PLCB4: variants seen among roughly 807,000 people sequenced by gnomAD.
PLCB4 encodes the protein phospholipase C beta 4, also known as 1-phosphatidylinositol 4,5-bisphosphate phosphodiesterase beta-4.
In PLCB4, 77 loss-of-function variants were observed where a neutral mutation model predicts 178.8. That is an observed-to-expected ratio of 0.43 (90% confidence interval 0.36 to 0.52). The LOEUF (loss-of-function observed/expected upper bound fraction) is 0.52. Among genes scored for constraint, PLCB4 ranks in the 20% least tolerant of loss-of-function variants. The probability of loss-of-function intolerance (pLI) is 0.00; values close to 1 mark genes in which losing one functional copy is unlikely to be tolerated. For synonymous variants in PLCB4, 496 were observed against 490.8 expected (o/e 1.01, Z -0.14); for missense variants, 1,024 against 1,453.4 (o/e 0.70, Z 4.80).
rs577043885 is a variant in PLCB4 at position 9,440,354 on chromosome 20, T to G, written c.2764+3202T>G. ...TAAAGTGTTAAATATTTCGTGTAAC[T>G]TATTAAATGCAGTACAGTGTAGAGT... On this transcript the variant is annotated intron_variant, in intron 30 of 39. Transcript: ENST00000378473. Among the ~76,000 whole-genome samples, 3 of 152,340 alleles carry G rather than the reference T, an allele frequency of 2.0e-5. No individual in the cohort carries two copies. The South Asian group carries it at 6.2e-4, about 32-fold the overall frequency.
rs147165674 is a variant in PLCB4 at position 9,153,510 on chromosome 20, G to A, written c.-79+57168G>A. ...CTCTTGCTGCTGCCATGTAAGAAGT[G>A]CCTTTCAACCTCCCGCCATGATTCT... On this transcript the variant is annotated intron_variant, in intron 2 of 39. Transcript: ENST00000378473. Among the ~76,000 whole-genome samples, 7 of 152,244 alleles carry A rather than the reference G, an allele frequency of 4.6e-5. No homozygotes were observed. The East Asian group carries it at 1.2e-3, about 25-fold the overall frequency.
intron 4 of PLCB4, among the ~76,000 whole-genome samples, chr20:9,324,382 T>A (rs913993636): frequency 3.3e-5 from 5 of 151,970 alleles, no homozygotes; most frequent in African/African-American, 1.2e-4. Context: ...GCCCAGATCA[T>A]GCCACAGCAC....
At chr20:9,392,410 T>G (rs1323432996) in intron 17 of PLCB4, among the ~76,000 whole-genome samples, 2 of 152,234 alleles carry the variant, frequency 1.3e-5, no homozygotes, top group Admixed American at 1.3e-4. Flanking sequence ...ATGAATAGGA[T>G]GAAGTAAAGT....
intron 2 of PLCB4, among the ~76,000 whole-genome samples, chr20:9,139,560 G>A (rs2092447567): frequency 6.6e-6 from 1 of 152,042 alleles, no homozygotes; most frequent in African/African-American, 2.4e-5. Flanking sequence ...GTGCAAAAGT[G>A]GAAGTTGCCA....
At chr20:9,218,067 A>G (rs895638535) in intron 3 of PLCB4, among the ~76,000 whole-genome samples, 1 of 152,216 alleles carries the variant, frequency 6.6e-6, no homozygotes, top group Non-Finnish European at 1.5e-5. Flanking sequence ...CCTAGTGAAT[A>G]TGAGACATGT....
intron 18 of PLCB4, among the ~76,000 whole-genome samples, chr20:9,394,335 G>A (rs1416864968): frequency 2.6e-5 from 4 of 151,936 alleles, no homozygotes; most frequent in Non-Finnish European, 5.9e-5. Flanking sequence ...GAAAAATCAA[G>A]ACAATGAAAA....
At chr20:9,078,399 T>G (rs2089985018) in intron 1 of PLCB4, among the ~76,000 whole-genome samples, 1 of 152,092 alleles carries the variant, frequency 6.6e-6, no homozygotes, top group African/African-American at 2.4e-5. Flanking sequence ...TTTTCTTTCT[T>G]TTTTTGAGAT....
At chr20:9,201,235 ATTAAAT>A (rs2093540915) in intron 2 of PLCB4, among the ~76,000 whole-genome samples, 1 of 152,192 alleles carries the variant, frequency 6.6e-6, no homozygotes, top group Non-Finnish European at 1.5e-5. Flanking sequence ...TCCCTTTGCA[ATTAAAT>A]TTAAACTATC....
At position 9,312,831 on chromosome 20, in the gene PLCB4, T is replaced by A. The variant is rs912735617; in HGVS notation, c.84+4933T>A. Among the ~76,000 whole-genome samples, 28 of 152,214 alleles carry A rather than the reference T, an allele frequency of 1.8e-4. 1 individual carries two copies. The highest frequency in any genetic ancestry group is 6.3e-4 in the African/African-American group (26 of 41,462). ...AAGTTTTGTCAATTAGATACAAAAC[T>A]GGCTAATGTCCTATAAGGCAATAAA... On this transcript the variant is annotated intron_variant, in intron 4 of 39. Coordinates refer to ENST00000378473, the MANE Select transcript of PLCB4 (RefSeq NM_001377142.1).
chr20:9,184,624 T>A (rs1322440788), intron 2 of PLCB4, among the ~76,000 whole-genome samples: 3 of 142,826 alleles, frequency 2.1e-5, no homozygotes, highest in Admixed American at 7.0e-5. Context: ...AAAAAAAACC[T>A]CTGGTTTTTA....
chr20:9,197,383 T>A (rs1237205845), intron 2 of PLCB4, among the ~76,000 whole-genome samples: 1 of 152,148 alleles, frequency 6.6e-6, no homozygotes, highest in Admixed American at 6.5e-5. Flanking sequence ...TCTGCAAGTA[T>A]AAAATACACA....
chr20:9,128,870 G>A (rs2092201298), intron 2 of PLCB4, among the ~76,000 whole-genome samples: 1 of 152,008 alleles, frequency 6.6e-6, no homozygotes, highest in Non-Finnish European at 1.5e-5. Context: ...TCTATTTTCT[G>A]TCTCTGCAAA....
chr20:9,254,424 G>A (rs1350973617), intron 3 of PLCB4, among the ~76,000 whole-genome samples: 2 of 152,214 alleles, frequency 1.3e-5, no homozygotes, highest in Admixed American at 1.3e-4. Context: ...GCCGGGCGTG[G>A]TGGCTCATGC....
At chr20:9,418,526 G>GT (rs2040409459) in intron 25 of PLCB4, among the ~76,000 whole-genome samples, 1 of 152,050 alleles carries the variant, frequency 6.6e-6, no homozygotes, top group African/African-American at 2.4e-5. Flanking sequence ...TGAGTTATGT[G>GT]TTTTTCTTTA....
chr20:9,234,877 G>A (rs1218951122), intron 3 of PLCB4, among the ~76,000 whole-genome samples: 2 of 152,164 alleles, frequency 1.3e-5, no homozygotes, highest in Non-Finnish European at 2.9e-5. Context: ...GACAATGCTT[G>A]AGTGTTCATT....
At chr20:9,411,400 T>C (rs1602481692) in intron 25 of PLCB4, among the ~76,000 whole-genome samples, 1 of 152,200 alleles carries the variant, frequency 6.6e-6, no homozygotes, top group Admixed American at 6.5e-5. Flanking sequence ...CCCTGCACAC[T>C]TGGACATTAA....
intron 39 of PLCB4, among the ~76,000 whole-genome samples, 176 bp from the exon 40 acceptor site, chr20:9,478,745 T>C (rs1250213512): frequency 2.0e-5 from 3 of 152,176 alleles, no homozygotes; most frequent in Non-Finnish European, 4.4e-5. Flanking sequence ...GACTCCAAGA[T>C]TCTACGTTTC....
intron 1 of PLCB4, among the ~76,000 whole-genome samples, chr20:9,074,396 C>T (rs1462858712): frequency 6.6e-6 from 1 of 152,176 alleles, no homozygotes; most frequent in Non-Finnish European, 1.5e-5. Flanking sequence ...CATTGCCTTT[C>T]TTATGCTCCT....
intron 2 of PLCB4, among the ~76,000 whole-genome samples, chr20:9,194,494 G>A (rs1281318850): frequency 2.0e-5 from 3 of 151,914 alleles, no homozygotes; most frequent in Non-Finnish European, 1.5e-5. Flanking sequence ...AGACCATCCT[G>A]GCTAAAAAAC....
Sources: gnomAD v4.1 joint callset for allele counts (sites outside exome capture counted in the v4.1 genomes callset) on GRCh38, gnomAD v4.1.1 for gene constraint, MANE v1.5 for transcripts, NCBI Gene and HGNC (gene_info 2026-07-23, HGNC 2026-07-21) for gene names.